PTPRT: variants seen among roughly 807,000 people sequenced by gnomAD.
The protein encoded by PTPRT is protein tyrosine phosphatase receptor type T, also known as receptor-type tyrosine-protein phosphatase T.
PTPRT carries 56 observed loss-of-function variants against 176.8 expected under a neutral mutation model. That is an observed-to-expected ratio of 0.32 (90% CI 0.26 to 0.40). The LOEUF is 0.40. Ranked by LOEUF, PTPRT falls within the 10% of genes least tolerant of loss-of-function variation. The probability of loss-of-function intolerance (pLI) is 1.00; values close to 1 mark genes in which losing one functional copy is unlikely to be tolerated. For missense variants in PTPRT, 1,540 were observed against 1,908.2 expected, an observed-to-expected ratio of 0.81 and a Z score of 3.60; for synonymous variants, 783 against 739.0, an observed-to-expected ratio of 1.06 and a Z score of -0.96.
chr20:43,131,990 C>A (rs1020209279), intron 1 of PTPRT, among the ~76,000 whole-genome samples: 1 of 151,900 alleles, frequency 6.6e-6, no homozygotes, highest in African/African-American at 2.4e-5. Flanking sequence ...AGAACTCTTG[C>A]TTAACTCAAT....
chr20:42,332,061 G>T (rs929040421), intron 11 of PTPRT, among the ~76,000 whole-genome samples: 2 of 152,002 alleles, frequency 1.3e-5, no homozygotes, highest in Admixed American at 1.3e-4. Context: ...ACTTAAGAAG[G>T]TCCTCGATGA....
At chr20:43,143,740 T>C (rs2014086919) in intron 1 of PTPRT, among the ~76,000 whole-genome samples, 2 of 152,082 alleles carry the variant, frequency 1.3e-5, no homozygotes, top group African/African-American at 2.4e-5. Context: ...GGGAAGCAAG[T>C]AGACACAGAA....
At chr20:42,458,398 G>A (rs988466953) in intron 8 of PTPRT, among the ~76,000 whole-genome samples, 1 of 152,146 alleles carries the variant, frequency 6.6e-6, no homozygotes, top group Non-Finnish European at 1.5e-5. Context: ...CCTTGGCCAA[G>A]CTGCTTAATG....
intron 1 of PTPRT, among the ~76,000 whole-genome samples, chr20:42,938,318 C>G (rs978028633): frequency 6.6e-6 from 1 of 152,198 alleles, no homozygotes; most frequent in African/African-American, 2.4e-5. Context: ...AGGATTACCC[C>G]TAGAGTCTAG....
chr20:42,977,310 C>A (rs1282331717), intron 1 of PTPRT, among the ~76,000 whole-genome samples: 1 of 152,138 alleles, frequency 6.6e-6, no homozygotes, highest in Non-Finnish European at 1.5e-5. Flanking sequence ...AGTCAAGATT[C>A]AAAAACGTCA....
At chr20:42,744,682 GCAGA>G (rs2076666006) in intron 6 of PTPRT, among the ~76,000 whole-genome samples, 1 of 152,138 alleles carries the variant, frequency 6.6e-6, no homozygotes, top group Admixed American at 6.5e-5. Flanking sequence ...GGCCTGCTTA[GCAGA>G]CAATTTTCCT....
intron 7 of PTPRT, among the ~76,000 whole-genome samples, chr20:42,632,929 C>A (rs1040518057): frequency 6.6e-6 from 1 of 152,008 alleles, no homozygotes; most frequent in African/African-American, 2.4e-5. Flanking sequence ...CCTATAAAAG[C>A]TAGAAACAAG....
At chr20:43,174,361 T>G (rs1479503954) in intron 1 of PTPRT, among the ~76,000 whole-genome samples, 1 of 152,192 alleles carries the variant, frequency 6.6e-6, no homozygotes, top group Non-Finnish European at 1.5e-5. Context: ...TGATAATTAG[T>G]AAAACCCTTG....
chr20:42,978,708 C>T (rs1190194709), intron 1 of PTPRT, among the ~76,000 whole-genome samples: 1 of 152,136 alleles, frequency 6.6e-6, no homozygotes, highest in Non-Finnish European at 1.5e-5. Flanking sequence ...CCGCTAAATC[C>T]CACCAAAACA....
chr20:43,014,018 CA>C (rs1273632264), intron 1 of PTPRT, among the ~76,000 whole-genome samples: 2 of 152,326 alleles, frequency 1.3e-5, no homozygotes, highest in Middle Eastern at 6.8e-3. Context: ...ATACTCAACA[CA>C]TACTAGGTAT....
At chr20:42,836,651 A>G (rs563142077) in intron 2 of PTPRT, among the ~76,000 whole-genome samples, 7 of 152,252 alleles carry the variant, frequency 4.6e-5, no homozygotes, top group African/African-American at 1.7e-4. Context: ...TTGGAACCAA[A>G]CAGCCCTGGG....
chr20:43,090,060 T>C (rs542080248), intron 1 of PTPRT, among the ~76,000 whole-genome samples: 59 of 150,974 alleles, frequency 3.9e-4, no homozygotes, highest in Non-Finnish European at 7.7e-4. Flanking sequence ...CACCACCTAG[T>C]TCTACATTCC....
intron 1 of PTPRT, among the ~76,000 whole-genome samples, chr20:43,133,747 CAAAAAAA>C (rs11366438): frequency 8.0e-6 from 1 of 124,890 alleles, no homozygotes; most frequent in African/African-American, 3.0e-5. Context: ...GACTCTGTCT[CAAAAAAA>C]AAAAAAAAAA....
chr20:43,016,429 C>A (rs1362126118), intron 1 of PTPRT, among the ~76,000 whole-genome samples: 3 of 151,900 alleles, frequency 2.0e-5, no homozygotes, highest in African/African-American at 7.3e-5. Context: ...ACTGTGGTCT[C>A]CCCTTTCCTT....
chr20:42,232,544 T>TG (rs761952438), intron 15 of PTPRT, among the ~76,000 whole-genome samples: 1 of 152,052 alleles, frequency 6.6e-6, no homozygotes, highest in African/African-American at 2.4e-5. Context: ...TACTAGCACA[T>TG]GGGGGGCCAT....
At chr20:42,994,940 G>A (rs1225598332) in intron 1 of PTPRT, among the ~76,000 whole-genome samples, 1 of 152,154 alleles carries the variant, frequency 6.6e-6, no homozygotes, top group Non-Finnish European at 1.5e-5. Context: ...TATGTGATGG[G>A]GGAATAAACT....
At chr20:43,168,677 A>G (rs1413261239) in intron 1 of PTPRT, among the ~76,000 whole-genome samples, 1 of 152,176 alleles carries the variant, frequency 6.6e-6, no homozygotes, top group Non-Finnish European at 1.5e-5. Flanking sequence ...TGACTTGGCC[A>G]CACCTGCAAA....
chr20:42,965,536 A>C (rs536994825), intron 1 of PTPRT, among the ~76,000 whole-genome samples: 2 of 152,198 alleles, frequency 1.3e-5, no homozygotes, highest in Admixed American at 1.3e-4. Flanking sequence ...GTGTTTAACA[A>C]ACACCTCATG....
At chr20:42,324,015 A>G (rs1248197895) in intron 11 of PTPRT, among the ~76,000 whole-genome samples, 1 of 152,168 alleles carries the variant, frequency 6.6e-6, no homozygotes, top group Non-Finnish European at 1.5e-5. Flanking sequence ...TTCCATTTCT[A>G]CCTATCTATC....
Sources: allele counts gnomAD v4.1 joint callset (sites outside exome capture counted in the v4.1 genomes callset), GRCh38; gene constraint gnomAD v4.1.1; transcripts MANE v1.5; gene names NCBI Gene and HGNC (gene_info 2026-07-23, HGNC 2026-07-21).